Variants in TNXB observed in about 807,000 individuals in gnomAD.
TNXB encodes the protein tenascin XB.
Under a neutral mutation model 340.5 loss-of-function variants are expected in TNXB, and 183 were observed. The observed-to-expected ratio is 0.54, with a 90% confidence interval of 0.48 to 0.61. The LOEUF (loss-of-function observed/expected upper bound fraction) is 0.61. Among genes scored for constraint, TNXB ranks in the 20% least tolerant of loss-of-function variants. The pLI is 0.00. For missense variants in TNXB, 4,613 were observed against 5,446.4 expected (o/e 0.85, Z 4.82); for synonymous variants, 2,121 against 2,314.5 (o/e 0.92, Z 2.40).
At position 32,049,999 on chromosome 6, in the gene TNXB, C is replaced by T. The variant is rs202162469; in HGVS notation, c.9438G>A (p.Thr3146=). Residue 3146 remains threonine (T), a splice_region_variant and synonymous_variant, in exon 27 of 44, where the codon ACG becomes ACA. Transcript: ENST00000644971. The surrounding 1 kb of genome is among the most constrained non-coding windows in gnomAD (Gnocchi z 4.5). ...RVGPVSAIGV[T]EEETPSPTEP... ...CTGGGGCTCCCATCATTCACTCACC[C>T]GTCACCCCAATGGCAGACACAGGGC... 4,450 of 1,613,476 alleles carry T rather than the reference C, an allele frequency of 2.8e-3. 15 individuals carry two copies. Among genetic ancestry groups the T allele is most frequent in the Non-Finnish European group, 3.1e-3 (3,613 of 1,179,580 alleles).
rs192514671 is a variant in TNXB, at chr6:32,067,200, T to A, written c.6544+461A>T. Among the ~76,000 whole-genome samples the A allele has an allele frequency of 2.8e-3, 363 of 128,240 alleles. 6 individuals are homozygous for A. The highest frequency in any genetic ancestry group is 1.5e-3 in the Non-Finnish European group (85 of 56,870). The allele number at this position is 128,240 out of a possible 152,430, so 84.1% of individuals were successfully genotyped here. On this transcript the variant is annotated intron_variant, in intron 18 of 43. Coordinates refer to ENST00000644971, the MANE Select transcript of TNXB (RefSeq NM_001365276.2). This position sits in a 1 kb window ranked among gnomAD's most constrained non-coding sequence, Gnocchi z 4.2. Reference sequence around the variant, plus strand: ...GAAAGAAAGAAAACATTCTAGTGATTCTAGTGGAGGAAGTGGGTGGGGCAG... The same window carrying A: ...GAAAGAAAGAAAACATTCTAGTGATACTAGTGGAGGAAGTGGGTGGGGCAG...
In TNXB at chr6:32,049,967, T is replaced by A; in HGVS notation, c.9439+31A>T. The A allele has an allele frequency of 3.1e-6, 5 of 1,611,328 alleles. No individual in the cohort carries two copies. The highest frequency in any genetic ancestry group is 3.4e-6 in the Non-Finnish European group (4 of 1,177,988). On this transcript the variant is annotated intron_variant, in intron 27 of 43. Coordinates refer to ENST00000644971, the MANE Select transcript of TNXB (RefSeq NM_001365276.2). The surrounding 1 kb of genome is among the most constrained non-coding windows in gnomAD (Gnocchi z 4.5). Reference sequence around the variant, plus strand: ...GAGCAAGAGGTGGCCCTCCCACAGCTCCCACCCTGGGGCTCCCATCATTCA... The same window carrying A: ...GAGCAAGAGGTGGCCCTCCCACAGCACCCACCCTGGGGCTCCCATCATTCA...
chr6:32,104,177 T>C (rs1780864327), intron 1 of TNXB, among the ~76,000 whole-genome samples: 1 of 152,216 alleles, frequency 6.6e-6, no homozygotes, highest in Admixed American at 6.5e-5. Flanking sequence ...ATGATTGTAA[T>C]GTGCAACAAA....
rs1300141257 is a variant in TNXB, at chr6:32,084,678, T to C, written c.3180A>G (p.Ser1060=). The stretch of plus-strand genomic sequence containing the variant: ...TCAGCTCACCCAGGCGTGGTGGGCC[T>C]GAGGACTTCCCAGGCTTCTCCTCAT... ...DKDEEKPGKS[S]GPPRLGELTV... Residue 1060 remains serine, a synonymous_variant, in exon 8 of 44, where the codon TCA becomes TCG. Coordinates refer to ENST00000644971, the MANE Select transcript of TNXB (RefSeq NM_001365276.2). The surrounding 1 kb of genome is among the most constrained non-coding windows in gnomAD (Gnocchi z 5.5). The C allele has an allele frequency of 7.6e-6, 12 of 1,585,822 alleles. No individual in the cohort carries two copies. Among genetic ancestry groups the C allele is most frequent in the Admixed American group, 6.8e-5 (4 of 58,948 alleles).
Position 32,048,489 on chromosome 6 carries a change from G to A in TNXB, c.9919C>T (p.Pro3307Ser). ...RDAQGQPQAV[P>S]VSGDLRAVAV... is the part of the protein sequence containing the mutation. ...ACCGCTCGGAGGTCTCCGCTCACAGGCACTGCCTGGGGCTGCCCCTGCGCG... is the reference window on the plus strand; with the variant it reads ...ACCGCTCGGAGGTCTCCGCTCACAGACACTGCCTGGGGCTGCCCCTGCGCG... Residue 3307 changes from proline (P) to serine (S), a missense_variant, in exon 29 of 44, where the codon CCT becomes TCT. Physicochemically the swap from Pro to Ser is moderately conservative, Grantham distance 74 (BLOSUM62 -1). Coordinates refer to ENST00000644971, the MANE Select transcript of TNXB (RefSeq NM_001365276.2). 1 of 1,601,666 alleles carries A rather than the reference G, an allele frequency of 6.2e-7. No individual in the cohort carries two copies. Among genetic ancestry groups the A allele is most frequent in the Non-Finnish European group, 8.5e-7 (1 of 1,174,954 alleles).
At position 32,097,223 on chromosome 6, in the gene TNXB, G is replaced by A. The variant is rs1416183177; in HGVS notation, c.630C>T (p.Gly210=). 1 of 1,601,350 alleles carries A rather than the reference G, an allele frequency of 6.2e-7. No individual in the cohort carries two copies. Among genetic ancestry groups the A allele is most frequent in the South Asian group, 1.1e-5 (1 of 89,322 alleles). Residue 210 remains glycine, a synonymous_variant, in exon 3 of 44, where the codon GGC becomes GGT. Transcript: ENST00000644971. This position sits in a 1 kb window ranked among gnomAD's most constrained non-coding sequence, Gnocchi z 5.9. ...GACAGGATGGCCAGCCACAGCTGGG[G>A]CCAGTGTAGCCGGGAAAGCACACGC... ...GRCVCFPGYT[G]PSCGWPSCPG...
intron 1 of TNXB, among the ~76,000 whole-genome samples, chr6:32,103,724 CATCTTTT>C (rs1326851854): frequency 6.8e-6 from 1 of 147,804 alleles, no homozygotes; most frequent in Non-Finnish European, 1.5e-5. Flanking sequence ...CAGTTCACCG[CATCTTTT>C]TTTTTTTTTT....
At chr6:32,042,668 C>T (rs1776519823) in intron 39 of TNXB, 31 bp downstream of exon 39, 2 of 1,350,594 alleles carry the variant, frequency 1.5e-6, no homozygotes, top group Non-Finnish European at 2.0e-6. Context: ...GCCCACCCAG[C>T]CCCCGGCCCC....
chr6:32,050,419 T>A, intron 26 of TNXB, 98 bp from the exon 27 acceptor site: 1 of 1,469,430 alleles, frequency 6.8e-7, no homozygotes. Flanking sequence ...AACAGGACGA[T>A]GCTGCCCACA....
At chr6:32,078,047 AAGAG>A (rs1243925573) in intron 11 of TNXB, among the ~76,000 whole-genome samples, 4 of 147,646 alleles carry the variant, frequency 2.7e-5, no homozygotes, top group South Asian at 4.4e-4. Context: ...AAAAGAAAGA[AAGAG>A]AGAGAGAGAG....
At chr6:32,105,017 C>T (rs958498678) in intron 1 of TNXB, among the ~76,000 whole-genome samples, 5 of 152,154 alleles carry the variant, frequency 3.3e-5, no homozygotes, top group Non-Finnish European at 5.9e-5. Flanking sequence ...CAAAATGCTT[C>T]AGTGTCTCCC....
intron 4 of TNXB, among the ~76,000 whole-genome samples, chr6:32,092,646 C>T (rs1193833814): frequency 3.3e-5 from 5 of 149,976 alleles, no homozygotes; most frequent in African/African-American, 7.4e-5. Flanking sequence ...GCCGAGATTG[C>T]GCCATTGCAC....
intron 19 of TNXB, among the ~76,000 whole-genome samples, chr6:32,063,325 T>C (rs963416388): frequency 1.3e-5 from 2 of 151,228 alleles, no homozygotes; most frequent in Non-Finnish European, 2.9e-5. Flanking sequence ...GAGGCAGAGG[T>C]TGCAATGAGC....
rs777077674 is a variant in TNXB at position 32,062,394 on chromosome 6, C to T, written c.6931G>A (p.Val2311Met). 7.0e-5 allele frequency: 113 copies of T among 1,613,248 alleles called. No individual in the cohort carries two copies. In the Middle Eastern group the frequency reaches 1.2e-3, roughly 16 times the overall value. ...PIKPRLEELT[V>M]TDATPDSLSL... The stretch of plus-strand genomic sequence containing the variant: ...AGGGAGTCAGGGGTCGCATCTGTCA[C>T]GGTCAGCTCCTCCAGGCGAGGCTTG... The change falls in exon 20 of 44, where the codon GTG (valine) becomes ATG (methionine). Residue 2311 changes from valine to methionine, a missense_variant. Val to Met is a conservative substitution (Grantham distance 21). Around this residue, in one of 7 missense-constraint regions of TNXB, gnomAD observed 4,327 missense variants for 4,859.4 expected, o/e 0.89. Transcript: ENST00000644971. This position sits in a 1 kb window ranked among gnomAD's most constrained non-coding sequence, Gnocchi z 4.3.
intron 1 of TNXB, among the ~76,000 whole-genome samples, chr6:32,101,077 C>CAAAAAAAAAAAAAAA (rs35800696): frequency 2.1e-5 from 1 of 46,962 alleles, no homozygotes; most frequent in Non-Finnish European, 3.8e-5. Context: ...AACTCCATCT[C>CAAAAAAAAAAAAAAA]AAAAAAAAAA....
At chr6:32,054,298 T>C (rs1562800124) in intron 24 of TNXB, among the ~76,000 whole-genome samples, 1 of 152,078 alleles carries the variant, frequency 6.6e-6, no homozygotes, top group Admixed American at 6.5e-5. Context: ...CATCTTTAGC[T>C]CCCACGGATG....
chr6:32,091,134 G>A (rs1780054346), intron 4 of TNXB, among the ~76,000 whole-genome samples: 1 of 152,156 alleles, frequency 6.6e-6, no homozygotes, highest in Non-Finnish European at 1.5e-5. Context: ...TTTTGAGAGG[G>A]AGTTTTGCTC....
chr6:32,105,083 C>T lies in TNXB; in HGVS notation c.-9+4098G>A, dbSNP rs1780912734. On this transcript the variant is annotated intron_variant, in intron 1 of 43. Transcript: ENST00000644971. Reference sequence around the variant, plus strand: ...GCCCTACCATCATGTATCCCCTGCTCCCACTTCACCACCCATAACATTTCC... The same window carrying T: ...GCCCTACCATCATGTATCCCCTGCTTCCACTTCACCACCCATAACATTTCC... 2.0e-5 allele frequency among the ~76,000 whole-genome samples: 3 copies of T among 152,164 alleles called. No individual in the cohort carries two copies. The South Asian group carries it at 6.2e-4, about 32-fold the overall frequency.
Position 32,046,380 on chromosome 6 carries a change from C to A in TNXB, c.10401G>T (p.Leu3467=), listed in dbSNP as rs1329167651. ...AGGGGCCCTGGGCTACCGTCCAGGA[C>A]AGGCGCAGAGAGCTGGAGGTCTCCT... ...VAEETSSSLR[L]SWTVAQGPFD... The change falls in exon 31 of 44, where the codon CTG becomes CTT. Residue 3467 remains leucine (L), a synonymous_variant. Transcript: ENST00000644971. The surrounding 1 kb of genome is among the most constrained non-coding windows in gnomAD (Gnocchi z 6.9). 1.3e-6 allele frequency: 2 copies of A among 1,596,832 alleles called. No homozygotes were observed. Among genetic ancestry groups the A allele is most frequent in the Non-Finnish European group, 1.7e-6 (2 of 1,170,606 alleles).
Sources: gnomAD v4.1 joint callset for allele counts (sites outside exome capture counted in the v4.1 genomes callset) on GRCh38, gnomAD v4.1.1 for gene constraint, gnomAD v4.1.1 regional missense constraint, Gnocchi (gnomAD v3.1) non-coding constraint, MANE v1.5 for transcripts, NCBI Gene and HGNC (gene_info 2026-07-23, HGNC 2026-07-21) for gene names.